The following KIRREL3 variants were observed in gnomAD, a reference collection of about 807,000 sequenced individuals.
KIRREL3 encodes the protein kin of IRRE-like protein 3.
A neutral mutation model predicts 89.7 loss-of-function variants in KIRREL3; 36 were observed. The ratio of observed to expected loss-of-function variants is 0.40; its 90% CI spans 0.31 to 0.53. The LOEUF (loss-of-function observed/expected upper bound fraction) is 0.53, where lower values mean the gene tolerates loss of function less well. Among genes scored for constraint, KIRREL3 ranks in the 20% least tolerant of loss-of-function variants. The probability of loss-of-function intolerance (pLI) is 0.49; values close to 1 mark genes in which losing one functional copy is unlikely to be tolerated. For synonymous variants in KIRREL3, 445 were observed against 441.4 expected, an observed-to-expected ratio of 1.01 and a Z score of -0.10; for missense variants, 864 against 1,056.6, an observed-to-expected ratio of 0.82 and a Z score of 2.53.
intron 1 of KIRREL3, among the ~76,000 whole-genome samples, chr11:126,882,536 A>AT (rs5795534): frequency 0.62 from 93,643 of 152,036 alleles, 30,360 homozygotes; most frequent in African/African-American, 0.82. Flanking sequence ...GTACAAAGAG[A>AT]TAGTCTGGAG....
At position 126,731,276 on chromosome 11, in the gene KIRREL3, G is replaced by A. The variant is rs186047036; in HGVS notation, c.56-168364C>T. 1.9e-3 allele frequency among the ~76,000 whole-genome samples: 287 copies of A among 152,146 alleles called. 1 individual carries two copies. The highest frequency in any genetic ancestry group is 3.4e-3 in the Middle Eastern group (1 of 294). ...CCCCAGCAGTACTAGATAATCTGCC[G>A]TTCTCTGAGTAAATCATGTTCTTCC... On this transcript the variant is annotated intron_variant, in intron 1 of 16. Transcript: ENST00000525144.
At position 126,594,073 on chromosome 11, in the gene KIRREL3, C is replaced by G. The variant is rs1322597512; in HGVS notation, c.56-31161G>C. ...GGAAAAGAAATCACATCCCCAGGCTCCCTTCCCTCTGTCCATTGGCACAGT... is the reference window on the plus strand; with the variant it reads ...GGAAAAGAAATCACATCCCCAGGCTGCCTTCCCTCTGTCCATTGGCACAGT... On this transcript the variant is annotated intron_variant, in intron 1 of 16. Coordinates refer to ENST00000525144, the MANE Select transcript of KIRREL3 (RefSeq NM_032531.4). The surrounding 1 kb of genome is among the most constrained non-coding windows in gnomAD (Gnocchi z 5.0). 6.6e-6 allele frequency among the ~76,000 whole-genome samples: 1 copy of G among 152,160 alleles called. No individual in the cohort carries two copies. Among genetic ancestry groups the G allele is most frequent in the Non-Finnish European group, 1.5e-5 (1 of 68,020 alleles).
At chr11:126,469,586 C>G (rs2134272230) in intron 5 of KIRREL3, among the ~76,000 whole-genome samples, 1 of 152,352 alleles carries the variant, frequency 6.6e-6, no homozygotes, top group African/African-American at 2.4e-5. Context: ...TTCTCCCTGC[C>G]CGGCACACAG....
rs1402921777 is a variant in KIRREL3, at chr11:126,435,293, C to T, written c.1563G>A (p.Met521Ile). The change falls in exon 13 of 17, where the codon ATG becomes ATA. Residue 521 changes from methionine to isoleucine, a missense_variant. Met to Ile is a conservative substitution (Grantham distance 10). Coordinates refer to ENST00000525144, the MANE Select transcript of KIRREL3 (RefSeq NM_032531.4). ...CTGCTTCCAGCCCGGCTCCCGACTTCATTTCCGAACCTGTTTGGAAATAAA... is the reference window on the plus strand; with the variant it reads ...CTGCTTCCAGCCCGGCTCCCGACTTTATTTCCGAACCTGTTTGGAAATAAA... ...IIRLKEQGSEMKSGAGLEAES... is the reference protein window; with the variant it reads ...IIRLKEQGSEIKSGAGLEAES... The T allele has an allele frequency of 6.2e-7, 1 of 1,611,870 alleles. No homozygotes were observed. Among genetic ancestry groups the T allele is most frequent in the Non-Finnish European group, 8.5e-7 (1 of 1,178,622 alleles).
rs867724939 is a variant in KIRREL3, at chr11:126,685,733, G to A, written c.56-122821C>T. 1.3e-5 allele frequency among the ~76,000 whole-genome samples: 2 copies of A among 152,176 alleles called. No homozygotes were observed. The highest frequency in any genetic ancestry group is 2.4e-5 in the African/African-American group (1 of 41,448). ...CTCATTTTGAGATCTTGCCTATGAC[G>A]GCAAATGTCTCCCCACCGTCGGCAG... On this transcript the variant is annotated intron_variant, in intron 1 of 16. Transcript: ENST00000525144. The surrounding 1 kb of genome is among the most constrained non-coding windows in gnomAD (Gnocchi z 5.5).
At chr11:126,461,579 C>A (rs1005698175) in intron 6 of KIRREL3, among the ~76,000 whole-genome samples, 1 of 152,150 alleles carries the variant, frequency 6.6e-6, no homozygotes, top group Admixed American at 6.5e-5. Flanking sequence ...AAGTCCCCCC[C>A]GCCCCAAGAA....
Position 126,424,967 on chromosome 11 carries a change from C to T in KIRREL3, c.1950G>A (p.Pro650=), listed in dbSNP as rs750249775. ...GCTGGCAGCTGGAGAGGGAGATGGT[C>T]GGGGTTGAGTGGTGCTCTTTGAAGG... ...VNTFKEHHST[P]TISLSSCQPD... is the part of the protein sequence containing the mutation. Residue 650 remains proline, a synonymous_variant, in exon 17 of 17, where the codon CCG becomes CCA. Transcript: ENST00000525144. 81 of 1,583,468 alleles carry T rather than the reference C, an allele frequency of 5.1e-5. No homozygotes were observed. The highest frequency in any genetic ancestry group is 6.5e-5 in the Non-Finnish European group (76 of 1,162,726).
chr11:126,768,170 AATCCATCCATCCATCC>A lies in KIRREL3; in HGVS notation c.56-205274_56-205259del, dbSNP rs67640196. Among the ~76,000 whole-genome samples the A allele has an allele frequency of 3.7e-4, 30 of 80,012 alleles. 1 individual carries two copies. The highest frequency in any genetic ancestry group is 9.0e-4 in the African/African-American group (23 of 25,422). 52.5% of individuals were successfully genotyped at this position (80,012 alleles called of 152,430 possible). A position where few individuals can be genotyped will look rare whatever the true frequency, so the allele number is the denominator to read the frequency against. On this transcript the variant is annotated intron_variant, in intron 1 of 16. Coordinates refer to ENST00000525144, the MANE Select transcript of KIRREL3 (RefSeq NM_032531.4). The surrounding 1 kb of genome is among the most constrained non-coding windows in gnomAD (Gnocchi z 4.5). ...CATCCATCCATCCATCCATCCATCCAATCCATCCATCCATCCATCCATCCATCCATCCATCCATCCA... is the reference window on the plus strand; with the variant it reads ...CATCCATCCATCCATCCATCCATCCAATCCATCCATCCATCCATCCATCCA...
chr11:126,851,494 G>T (rs1292708739), intron 1 of KIRREL3, among the ~76,000 whole-genome samples: 1 of 152,088 alleles, frequency 6.6e-6, no homozygotes, highest in Non-Finnish European at 1.5e-5. Context: ...AATTCCTAAG[G>T]GGAATGCCAT....
At chr11:126,920,182 C>A (rs1170288569) in intron 1 of KIRREL3, 1 of 152,366 alleles carries the variant, frequency 6.6e-6, no homozygotes, top group Non-Finnish European at 1.5e-5. Flanking sequence ...AAGAATCTGC[C>A]CCCAAAACTC....
At position 126,983,894 on chromosome 11, in the gene KIRREL3, C is replaced by A. The variant is rs908827109; in HGVS notation, c.55+16561G>T. Among the ~76,000 whole-genome samples, 1 of 151,904 alleles carries A rather than the reference C, an allele frequency of 6.6e-6. No homozygotes were observed. The highest frequency in any genetic ancestry group is 1.5e-5 in the Non-Finnish European group (1 of 67,972). ...ATTCCTCCTCTGAACCAGAGAACCC[C>A]GAGAATAATATGATTAACTATTTTT... On this transcript the variant is annotated intron_variant, in intron 1 of 16. Coordinates refer to ENST00000525144, the MANE Select transcript of KIRREL3 (RefSeq NM_032531.4). The surrounding 1 kb of genome is among the most constrained non-coding windows in gnomAD (Gnocchi z 4.9).
At position 126,764,295 on chromosome 11, in the gene KIRREL3, C is replaced by T. The variant is rs774459551; in HGVS notation, c.56-201383G>A. ...CTTGGCAAATGTCCATTCTGTCAGG[C>T]GCCCTGCCTCTTGCCACCTCTTTCT... On this transcript the variant is annotated intron_variant, in intron 1 of 16. Transcript: ENST00000525144. This position sits in a 1 kb window ranked among gnomAD's most constrained non-coding sequence, Gnocchi z 4.2. Among the ~76,000 whole-genome samples the T allele has an allele frequency of 6.6e-6, 1 of 152,040 alleles. No homozygotes were observed.
Position 126,561,494 on chromosome 11 carries a change from C to T in KIRREL3, c.133+1341G>A, listed in dbSNP as rs1940118322. 6.6e-6 allele frequency among the ~76,000 whole-genome samples: 1 copy of T among 152,194 alleles called. No homozygotes were observed. Among genetic ancestry groups the T allele is most frequent in the Non-Finnish European group, 1.5e-5 (1 of 68,038 alleles). Reference sequence around the variant, plus strand: ...GTCTATTCAGCACCACGGACAGAGGCACGCTGTCAGTTCCCACAAATTAGA... The same window carrying T: ...GTCTATTCAGCACCACGGACAGAGGTACGCTGTCAGTTCCCACAAATTAGA... On this transcript the variant is annotated intron_variant, in intron 2 of 16. Coordinates refer to ENST00000525144, the MANE Select transcript of KIRREL3 (RefSeq NM_032531.4). This position sits in a 1 kb window ranked among gnomAD's most constrained non-coding sequence, Gnocchi z 4.5.
At chr11:126,853,820 T>TCA (rs1944417221) in intron 1 of KIRREL3, among the ~76,000 whole-genome samples, 1 of 152,212 alleles carries the variant, frequency 6.6e-6, no homozygotes, top group Non-Finnish European at 1.5e-5. Context: ...TCTGCATGTT[T>TCA]CATTCTAAGT....
chr11:126,616,037 C>A (rs1943332001), intron 1 of KIRREL3, among the ~76,000 whole-genome samples: 1 of 152,170 alleles, frequency 6.6e-6, no homozygotes, highest in Non-Finnish European at 1.5e-5. Flanking sequence ...CCGTTCACTT[C>A]ACATAGACAC....
chr11:126,636,105 AC>A lies in KIRREL3; in HGVS notation c.56-73194del, dbSNP rs1944255373. On this transcript the variant is annotated intron_variant, in intron 1 of 16. Coordinates refer to ENST00000525144, the MANE Select transcript of KIRREL3 (RefSeq NM_032531.4). The surrounding 1 kb of genome is among the most constrained non-coding windows in gnomAD (Gnocchi z 4.4). ...AACTCTGCCACTTACTATTTTTAGG[AC>A]CTTGGGGAAGTCATATAGAATTTTG... Among the ~76,000 whole-genome samples the A allele has an allele frequency of 6.6e-6, 1 of 152,156 alleles. No homozygotes were observed. The highest frequency in any genetic ancestry group is 1.5e-5 in the Non-Finnish European group (1 of 68,022).
rs56397539 is a variant in KIRREL3 at position 126,572,572 on chromosome 11, A to AC, written c.56-9661dup. On this transcript the variant is annotated intron_variant, in intron 1 of 16. Coordinates refer to ENST00000525144, the MANE Select transcript of KIRREL3 (RefSeq NM_032531.4). Reference sequence around the variant, plus strand: ...GCAGAGACCCCAGTGGGAAGAGGGGACCCCCCCCCCGCCAAGCAGGTGCTG... The same window carrying AC: ...GCAGAGACCCCAGTGGGAAGAGGGGACCCCCCCCCCCGCCAAGCAGGTGCTG... Among the ~76,000 whole-genome samples the AC allele has an allele frequency of 8.4e-3, 1,176 of 139,826 alleles. 17 individuals are homozygous for AC. The highest frequency in any genetic ancestry group is 0.03 in the African/African-American group (1,069 of 36,110). The allele number at this position is 139,826 out of a possible 152,430, so 91.7% of individuals were successfully genotyped here.
chr11:126,514,295 C>A (rs1399077676), intron 4 of KIRREL3, among the ~76,000 whole-genome samples: 1 of 152,148 alleles, frequency 6.6e-6, no homozygotes, highest in Non-Finnish European at 1.5e-5. Context: ...CCACATAGCA[C>A]AAATGAGATA....
chr11:126,566,274 C>T lies in KIRREL3; in HGVS notation c.56-3362G>A, dbSNP rs1940514589. Among the ~76,000 whole-genome samples, 1 of 152,106 alleles carries T rather than the reference C, an allele frequency of 6.6e-6. No homozygotes were observed. Among genetic ancestry groups the T allele is most frequent in the Non-Finnish European group, 1.5e-5 (1 of 68,002 alleles). On this transcript the variant is annotated intron_variant, in intron 1 of 16. Coordinates refer to ENST00000525144, the MANE Select transcript of KIRREL3 (RefSeq NM_032531.4). This position sits in a 1 kb window ranked among gnomAD's most constrained non-coding sequence, Gnocchi z 4.9. ...GGAAGGTTTAGGAATACCACCTGTG[C>T]AAGGAAAAATGGATTGGAGTAGGGT...
Sources: allele counts gnomAD v4.1 joint callset (sites outside exome capture counted in the v4.1 genomes callset), GRCh38; gene constraint gnomAD v4.1.1; non-coding constraint Gnocchi (gnomAD v3.1); transcripts MANE v1.5; gene names NCBI Gene and HGNC (gene_info 2026-07-23, HGNC 2026-07-21).